The following SLIT1 variants were observed in gnomAD, a reference collection of about 807,000 sequenced individuals.
SLIT1 encodes slit guidance ligand 1.
A neutral mutation model predicts 186.1 loss-of-function variants in SLIT1; 66 were observed. That is an observed-to-expected ratio of 0.35 (90% CI 0.29 to 0.44). The LOEUF is 0.44. Among genes scored for constraint, SLIT1 ranks in the 20% least tolerant of loss-of-function variants. SLIT1 has a pLI of 1.00. For missense variants in SLIT1, 1,638 were observed against 2,037.4 expected, an observed-to-expected ratio of 0.80 and a Z score of 3.77; for synonymous variants, 761 against 833.8, an observed-to-expected ratio of 0.91 and a Z score of 1.50.
At chr10:97,029,123 G>C (rs1848569984) in intron 25 of SLIT1, among the ~76,000 whole-genome samples, 1 of 152,206 alleles carries the variant, frequency 6.6e-6, no homozygotes, top group Non-Finnish European at 1.5e-5. Flanking sequence ...ATGAGGCACA[G>C]AGTATAGTAT....
chr10:97,183,375 A>G (rs190692591), intron 1 of SLIT1, among the ~76,000 whole-genome samples: 12 of 152,344 alleles, frequency 7.9e-5, no homozygotes, highest in Admixed American at 2.0e-4. Context: ...ATCCTATCAT[A>G]ATAATGGCTC....
At chr10:97,097,058 G>A (rs1445265818) in intron 4 of SLIT1, among the ~76,000 whole-genome samples, 1 of 152,132 alleles carries the variant, frequency 6.6e-6, no homozygotes, top group Admixed American at 6.5e-5. Flanking sequence ...CACAGCGCCT[G>A]GCACCCCAAA....
Position 97,170,697 on chromosome 10 carries a change from T to C in SLIT1, c.198-5807A>G, listed in dbSNP as rs769710111. Among the ~76,000 whole-genome samples the C allele has an allele frequency of 1.3e-3, 201 of 152,206 alleles. 5 individuals are homozygous for C. The highest frequency in any genetic ancestry group is 3.1e-4 in the Non-Finnish European group (21 of 68,030). Reference sequence around the variant, plus strand: ...CTGATTTCCCTCCATTCCTGTGTGGTCCTAGCCTGAAAGGAAAACCTCGGT... The same window carrying C: ...CTGATTTCCCTCCATTCCTGTGTGGCCCTAGCCTGAAAGGAAAACCTCGGT... On this transcript the variant is annotated intron_variant, in intron 1 of 36. Coordinates refer to ENST00000266058, the MANE Select transcript of SLIT1 (RefSeq NM_003061.3).
At chr10:97,097,652 G>T (rs543102248) in intron 4 of SLIT1, among the ~76,000 whole-genome samples, 14 of 152,296 alleles carry the variant, frequency 9.2e-5, no homozygotes, top group Non-Finnish European at 1.9e-4. Flanking sequence ...TGTTTTTTAA[G>T]TCTCAAGGAG....
Position 97,021,153 on chromosome 10 carries a change from C to T in SLIT1, c.2746+97G>A, listed in dbSNP as rs1292379744. 16 of 1,227,058 alleles carry T rather than the reference C, an allele frequency of 1.3e-5. No individual in the cohort carries two copies. The highest frequency in any genetic ancestry group is 2.2e-4 in the Middle Eastern group (1 of 4,566). 76.0% of individuals were successfully genotyped at this position (1,227,058 alleles called of 1,614,324 possible). ...TCCTGTCCCCTGACCCCCCGCCCAG[C>T]GGTCACCACAGGGACGCAGGCATGT... is the stretch of plus-strand genomic sequence containing the variant. On this transcript the variant is annotated intron_variant, in intron 26 of 36. Coordinates refer to ENST00000266058, the MANE Select transcript of SLIT1 (RefSeq NM_003061.3). The surrounding 1 kb of genome is among the most constrained non-coding windows in gnomAD (Gnocchi z 4.5).
Position 97,021,236 on chromosome 10 carries a change from G to C in SLIT1, c.2746+14C>G. 1.9e-6 allele frequency: 3 copies of C among 1,611,240 alleles called. No individual in the cohort carries two copies. The highest frequency in any genetic ancestry group is 2.5e-6 in the Non-Finnish European group (3 of 1,178,448). ...TGAGCCCCCAGCAGCAGGAGGCTGT[G>C]CTCCTAGGCTCACCTTGGCATTCAA... On this transcript the variant is annotated intron_variant, in intron 26 of 36. Transcript: ENST00000266058. The surrounding 1 kb of genome is among the most constrained non-coding windows in gnomAD (Gnocchi z 4.5).
intron 4 of SLIT1, among the ~76,000 whole-genome samples, chr10:97,077,613 C>T (rs186754336): frequency 3.3e-5 from 5 of 152,268 alleles, no homozygotes; most frequent in Admixed American, 2.6e-4. Flanking sequence ...GACTGGCACA[C>T]GGTGGGTGAC....
At chr10:97,100,924 C>T (rs999765159) in intron 4 of SLIT1, among the ~76,000 whole-genome samples, 4 of 152,170 alleles carry the variant, frequency 2.6e-5, no homozygotes, top group South Asian at 4.1e-4. Context: ...TTTCTAGGGA[C>T]GGTGCAGACG....
intron 4 of SLIT1, among the ~76,000 whole-genome samples, chr10:97,091,051 C>G (rs1849225657): frequency 6.6e-6 from 1 of 152,262 alleles, no homozygotes; most frequent in African/African-American, 2.4e-5. Flanking sequence ...TCGTTGACAT[C>G]AGCTGAGAAG....
chr10:97,104,205 A>G (rs1589395249), intron 4 of SLIT1, among the ~76,000 whole-genome samples: 1 of 152,110 alleles, frequency 6.6e-6, no homozygotes, highest in Non-Finnish European at 1.5e-5. Flanking sequence ...AGTGAGCCCC[A>G]TGGGTGTCTG....
intron 4 of SLIT1, among the ~76,000 whole-genome samples, chr10:97,141,693 T>TATC: frequency 1.0e-5 from 1 of 96,242 alleles, no homozygotes; most frequent in East Asian, 2.9e-4. Flanking sequence ...TATCGTATCG[T>TATC]ATCGTATCGT....
At chr10:97,057,073 G>C in intron 12 of SLIT1, 137 bp downstream of exon 12, 1 of 656,108 alleles carries the variant, frequency 1.5e-6, no homozygotes, top group Non-Finnish European at 2.7e-6. Flanking sequence ...CAGCCCTAGT[G>C]GGTCTGCCTG....
chr10:97,019,188 G>A (rs1158322445), intron 26 of SLIT1, 81 bp from the exon 27 acceptor site: 3 of 898,792 alleles, frequency 3.3e-6, no homozygotes, highest in Non-Finnish European at 5.4e-6. Context: ...ACCCCGAGGA[G>A]CCCATGTCCA....
rs755631048 is a variant in SLIT1 at position 97,063,441 on chromosome 10, G to C, written c.793+14C>G. On this transcript the variant is annotated intron_variant, in intron 8 of 36. Coordinates refer to ENST00000266058, the MANE Select transcript of SLIT1 (RefSeq NM_003061.3). Reference sequence around the variant, plus strand: ...CGCCGGACAGTTGAGAGCCCGGCAGGGGTCTGCACCCACCTGAGCAGCTGA... The same window carrying C: ...CGCCGGACAGTTGAGAGCCCGGCAGCGGTCTGCACCCACCTGAGCAGCTGA... The C allele has an allele frequency of 9.3e-6, 15 of 1,612,088 alleles. No homozygotes were observed. The highest frequency in any genetic ancestry group is 2.1e-4 in the Middle Eastern group (1 of 4,704).
intron 28 of SLIT1, among the ~76,000 whole-genome samples, chr10:97,017,753 G>A (rs955520499): frequency 6.6e-6 from 1 of 152,258 alleles, no homozygotes; most frequent in African/African-American, 2.4e-5. Context: ...GGCAGCTTGA[G>A]GAGGCTGGCC....
chr10:97,100,918 T>G (rs1224933515), intron 4 of SLIT1, among the ~76,000 whole-genome samples: 1 of 152,200 alleles, frequency 6.6e-6, no homozygotes, highest in East Asian at 1.9e-4. Flanking sequence ...TGCGTATTTC[T>G]AGGGACGGTG....
intron 3 of SLIT1, among the ~76,000 whole-genome samples, 164 bp downstream of exon 3, chr10:97,163,216 A>T (rs1850054966): frequency 6.6e-6 from 1 of 152,198 alleles, no homozygotes. Flanking sequence ...CCTTGTGACC[A>T]CTTTCACAGC....
chr10:97,160,779 G>T (rs1043341236), intron 3 of SLIT1, among the ~76,000 whole-genome samples: 6 of 152,176 alleles, frequency 3.9e-5, no homozygotes, highest in Admixed American at 3.3e-4. Context: ...GGACTGCAGC[G>T]GCATGATCTC....
At chr10:97,002,021 C>G in intron 36 of SLIT1, 137 bp downstream of exon 36, 1 of 516,438 alleles carries the variant, frequency 1.9e-6, no homozygotes, top group Non-Finnish European at 3.3e-6. Flanking sequence ...TGGAGGGACT[C>G]TGAAAGCCCC....
Sources: gnomAD v4.1 joint callset for allele counts (sites outside exome capture counted in the v4.1 genomes callset) on GRCh38, gnomAD v4.1.1 for gene constraint, Gnocchi (gnomAD v3.1) non-coding constraint, MANE v1.5 for transcripts, NCBI Gene and HGNC (gene_info 2026-07-23, HGNC 2026-07-21) for gene names.